ZNF534: variants seen among roughly 807,000 people sequenced by gnomAD.
The protein encoded by ZNF534 is zinc finger protein 534, also known as KRAB domain only 3.
ZNF534 carries 19 observed loss-of-function variants against 13.6 expected under a neutral mutation model. The observed-to-expected ratio is 1.40, with a 90% CI of 0.97 to 2.05. ZNF534 has a LOEUF of 2.05. Ranked by LOEUF, ZNF534 falls within the 30% of genes most tolerant of loss-of-function variation. The pLI is 0.00. For synonymous variants in ZNF534, 244 were observed against 273.8 expected, an observed-to-expected ratio of 0.89 and a Z score of 1.07; for missense variants, 782 against 796.3, an observed-to-expected ratio of 0.98 and a Z score of 0.22.
chr19:52,433,422 A>G (rs1217135174), intron 2 of ZNF534, among the ~76,000 whole-genome samples: 1 of 151,714 alleles, frequency 6.6e-6, no homozygotes, highest in Non-Finnish European at 1.5e-5. Flanking sequence ...GCTGGAGTGC[A>G]GTGGCGCAAT....
chr19:52,434,950 G>T, intron 3 of ZNF534, 131 bp from the exon 4 acceptor site: 1 of 1,160,820 alleles, frequency 8.6e-7, no homozygotes, highest in Non-Finnish European at 1.2e-6. Context: ...CATTCAGAAG[G>T]ATGCAATCAG....
At chr19:52,429,361 A>G (rs982602514) in intron 1 of ZNF534, 117 bp downstream of exon 1, 1 of 152,164 alleles carries the variant, frequency 6.6e-6, no homozygotes, top group Non-Finnish European at 1.5e-5. Context: ...ATCCACTCCA[A>G]GTAAATTCAG....
rs202220164 is a variant in ZNF534 at position 52,438,070 on chromosome 19, C to T, written c.610C>T (p.Arg204Cys). The change falls in exon 5 of 5, where the codon CGT becomes TGT. Residue 204 changes from arginine to cysteine, a missense_variant. This residue lies in a region of ZNF534 where 591 missense variants were observed against 574.0 expected (regional missense o/e 1.03). Coordinates refer to ENST00000433050, the MANE Select transcript of ZNF534 (RefSeq NM_001143938.3). ...VFRVSSSLTNRQVIHIADKTY... is the reference protein window; with the variant it reads ...VFRVSSSLTNCQVIHIADKTY... ...CAGAGTGTCTTCAAGCCTTACTAAC[C>T]GTCAAGTAATCCACATTGCAGATAA... 96 of 1,614,124 alleles carry T rather than the reference C, an allele frequency of 5.9e-5. No homozygotes were observed. The African/African-American group carries it at 6.8e-4, about 11-fold the overall frequency.
chr19:52,429,421 T>C (rs1300511193), intron 1 of ZNF534, among the ~76,000 whole-genome samples, 177 bp downstream of exon 1: 1 of 152,168 alleles, frequency 6.6e-6, no homozygotes, highest in Non-Finnish European at 1.5e-5. Context: ...TAAAACCGCT[T>C]GGAGGCTTCT....
chr19:52,429,749 C>T (rs2059074708), intron 1 of ZNF534, among the ~76,000 whole-genome samples: 1 of 152,004 alleles, frequency 6.6e-6, no homozygotes, highest in South Asian at 2.1e-4. Context: ...GCATACGCCA[C>T]CATGCCTCTC....
chr19:52,438,023 G>GTAA lies in ZNF534; in HGVS notation c.565_567dup (p.Asn189dup). On this transcript the variant is annotated inframe_insertion, in exon 5 of 5. Transcript: ENST00000433050. ...CACATTAGGGAAAAGCCTTATGGAT[G>GTAA]TAATGAGCATGGGAAAGTCTTCAGA... The GTAA allele has an allele frequency of 6.2e-7, 1 of 1,614,130 alleles. No individual in the cohort carries two copies. The highest frequency in any genetic ancestry group is 1.7e-5 in the Admixed American group (1 of 60,018).
At chr19:52,449,884 G>A (rs1159252092) in intron 4 of ZNF534, among the ~76,000 whole-genome samples, 7 of 152,086 alleles carry the variant, frequency 4.6e-5, no homozygotes, top group Non-Finnish European at 8.8e-5. Flanking sequence ...GCCAGGCGTG[G>A]TGGTGTGTGC....
intron 4 of ZNF534, among the ~76,000 whole-genome samples, chr19:52,448,043 A>G (rs1164278300): frequency 1.3e-5 from 2 of 152,160 alleles, no homozygotes; most frequent in African/African-American, 4.8e-5. Flanking sequence ...GTTTAGGGTT[A>G]GGCTGAGATG....
chr19:52,435,122 C>T lies in ZNF534; in HGVS notation c.184C>T (p.Gln62Ter), dbSNP rs2059120234. The change falls in exon 4 of 5, where the codon CAA becomes TAA. Residue 62 changes from glutamine (Q) to a stop codon, truncating the protein, a stop_gained. Transcript: ENST00000433050. LOFTEE classifies it high-confidence loss of function. ...PDLSVTSMLE[Q>*]KRDPWTLQSE... ...CCTGAGTGTTACCTCCATGTTGGAGCAAAAGAGAGATCCCTGGACTCTGCA... is the reference window on the plus strand; with the variant it reads ...CCTGAGTGTTACCTCCATGTTGGAGTAAAAGAGAGATCCCTGGACTCTGCA... 1 of 1,612,994 alleles carries T rather than the reference C, an allele frequency of 6.2e-7. No homozygotes were observed. The highest frequency in any genetic ancestry group is 1.7e-5 in the Admixed American group (1 of 59,946).
Position 52,451,837 on chromosome 19 carries a change from A to G in ZNF534, c.*340A>G, listed in dbSNP as rs146196700. 605 of 795,582 alleles carry G rather than the reference A, an allele frequency of 7.6e-4. 2 individuals are homozygous for G. In the African/African-American group the frequency reaches 9.3e-3, roughly 12 times the overall value. The allele number at this position is 795,582 out of a possible 1,614,324, so 49.3% of individuals were successfully genotyped here. On this transcript the variant is annotated 3_prime_UTR_variant, in exon 5 of 5. Transcript: ENST00000301085. ...AGTCAAAAAAAGGTGATCGAATTGC[A>G]CAGCTCATTTGTGAACGGATTTTTT...
Position 52,434,212 on chromosome 19 carries a change from C to G in ZNF534, c.142+131C>G, listed in dbSNP as rs552685606. On this transcript the variant is annotated intron_variant, in intron 3 of 4. Coordinates refer to ENST00000433050, the MANE Select transcript of ZNF534 (RefSeq NM_001143938.3). ...AACCTGTTGACTAAGAAATGAAAAG[C>G]AGGCCAGGCGCAGTGGCTCACGCCT... The G allele has an allele frequency of 2.2e-4, 307 of 1,406,746 alleles. 3 individuals carry two copies. The South Asian group carries it at 3.4e-3, about 15-fold the overall frequency. The allele number at this position is 1,406,746 out of a possible 1,614,324, so 87.1% of individuals were successfully genotyped here.
chr19:52,446,807 A>C (rs1012663349), downstream of ZNF534, among the ~76,000 whole-genome samples: 2 of 152,192 alleles, frequency 1.3e-5, no homozygotes, highest in Middle Eastern at 3.2e-3. Flanking sequence ...GCAGTGAGCT[A>C]TGATTGCACC....
chr19:52,451,247 G>C (rs545152406), exon 5 of ZNF534: 6 of 760,674 alleles, frequency 7.9e-6, no homozygotes, highest in South Asian at 5.9e-5. Flanking sequence ...CGCGCGTCCG[G>C]AGGTGCTGAG....
Position 52,433,806 on chromosome 19 carries a change from C to A in ZNF534, c.16-149C>A, listed in dbSNP as rs755013215. ...GGAAAAGTATAATAAAACACAATCA[C>A]AGACACATAACTAGCTCAAGAATCC... On this transcript the variant is annotated intron_variant, in intron 2 of 4. Transcript: ENST00000433050. 5.0e-4 allele frequency: 423 copies of A among 840,866 alleles called. 1 individual carries two copies. The highest frequency in any genetic ancestry group is 3.9e-4 in the Non-Finnish European group (195 of 503,878). The allele number at this position is 840,866 out of a possible 1,614,324, so 52.1% of individuals were successfully genotyped here.
rs887806124 is a variant in ZNF534, at chr19:52,440,569, T to C, written c.*1123T>C. 4.6e-5 allele frequency among the ~76,000 whole-genome samples: 7 copies of C among 151,638 alleles called. No homozygotes were observed. Among genetic ancestry groups the C allele is most frequent in the African/African-American group, 9.7e-5 (4 of 41,224 alleles). On this transcript the variant is annotated 3_prime_UTR_variant, in exon 5 of 5. Transcript: ENST00000433050. ...GCTGAGGCAGACGGATCAGTTGAGGTCAGGAGTTTGAGACCAGCCTGACCA... is the reference window on the plus strand; with the variant it reads ...GCTGAGGCAGACGGATCAGTTGAGGCCAGGAGTTTGAGACCAGCCTGACCA...
intron 4 of ZNF534, among the ~76,000 whole-genome samples, chr19:52,447,907 C>A (rs569216178): frequency 6.6e-6 from 1 of 150,830 alleles, no homozygotes; most frequent in Non-Finnish European, 1.5e-5. Context: ...AATTCCTTTG[C>A]CTAGTTTTGG....
rs534718784 is a variant in ZNF534, at chr19:52,439,247, A to C, written c.1787A>C (p.His596Pro). The change falls in exon 5 of 5, where the codon CAT (histidine) becomes CCT (proline). Residue 596 changes from histidine (H) to proline (P), a missense_variant. Around this residue, in one of 5 missense-constraint regions of ZNF534, gnomAD observed 20 missense variants for 43.6 expected, o/e 0.46. Coordinates refer to ENST00000433050, the MANE Select transcript of ZNF534 (RefSeq NM_001143938.3). Reference sequence around the variant, plus strand: ...AGTCGGAATTCACACCTTGCGCGACATAGGAAAATTCATACTGGAGAGAAG... The same window carrying C: ...AGTCGGAATTCACACCTTGCGCGACCTAGGAAAATTCATACTGGAGAGAAG... ...VFSRNSHLARHRKIHTGEKLY... is the reference protein window; with the variant it reads ...VFSRNSHLARPRKIHTGEKLY... The C allele has an allele frequency of 3.4e-5, 53 of 1,564,144 alleles. No individual in the cohort carries two copies. In the African/African-American group the frequency reaches 6.6e-4, roughly 19 times the overall value.
intron 2 of ZNF534, among the ~76,000 whole-genome samples, chr19:52,433,377 G>T (rs905409481): frequency 6.6e-6 from 1 of 151,384 alleles, no homozygotes; most frequent in East Asian, 1.9e-4. Flanking sequence ...TCTTTTTGGG[G>T]GGGGGAGGGG....
At chr19:52,447,468 T>C (rs1057367283), downstream of ZNF534, among the ~76,000 whole-genome samples, 3 of 152,206 alleles carry the variant, frequency 2.0e-5, no homozygotes, top group Admixed American at 6.5e-5. Flanking sequence ...TTTTGTTTTT[T>C]GTTTTTCTTT....
Sources: allele counts gnomAD v4.1 joint callset (sites outside exome capture counted in the v4.1 genomes callset), GRCh38; gene constraint gnomAD v4.1.1; regional missense constraint gnomAD v4.1.1; transcripts MANE v1.5; gene names NCBI Gene and HGNC (gene_info 2026-07-23, HGNC 2026-07-21).